SGCZ: variants seen among roughly 807,000 people sequenced by gnomAD.
The protein encoded by SGCZ is zeta-sarcoglycan.
SGCZ carries 40 observed loss-of-function variants against 41.3 expected under a neutral mutation model. The observed-to-expected ratio is 0.97, with a 90% confidence interval of 0.75 to 1.26. The LOEUF (loss-of-function observed/expected upper bound fraction) is 1.26, where lower values mean the gene tolerates loss of function less well. Among genes scored for constraint, SGCZ ranks in the 50% most tolerant of loss-of-function variants. The pLI is 0.00. For missense variants in SGCZ, 552 were observed against 369.8 expected (o/e 1.49, Z -4.04); for synonymous variants, 206 against 137.5 (o/e 1.50, Z -3.49).
chr8:14,091,286 G>T (rs371118283), intron 7 of SGCZ, among the ~76,000 whole-genome samples: 1 of 151,576 alleles, frequency 6.6e-6, no homozygotes, highest in Admixed American at 6.6e-5. Context: ...GAAGAGTGCC[G>T]CAATAAACTT....
At chr8:14,095,822 C>T (rs1378048104) in intron 7 of SGCZ, among the ~76,000 whole-genome samples, 1 of 152,046 alleles carries the variant, frequency 6.6e-6, no homozygotes, top group Non-Finnish European at 1.5e-5. Context: ...GCTTCACATC[C>T]CTTGTAAGTT....
chr8:14,253,402 C>A (rs1305555159), intron 3 of SGCZ, among the ~76,000 whole-genome samples: 1 of 152,004 alleles, frequency 6.6e-6, no homozygotes, highest in Non-Finnish European at 1.5e-5. Context: ...ACTATTTGTA[C>A]AAGTTTCATC....
Position 14,571,461 on chromosome 8 carries a change from G to T in SGCZ, c.40-16535C>A, listed in dbSNP as rs145866564. On this transcript the variant is annotated intron_variant, in intron 1 of 7. Coordinates refer to ENST00000382080, the MANE Select transcript of SGCZ (RefSeq NM_139167.4). ...AGCTGAGTATACAGATCTGGCTGTGGTATGCCCAACTATCTGATTATTCCT... is the reference window on the plus strand; with the variant it reads ...AGCTGAGTATACAGATCTGGCTGTGTTATGCCCAACTATCTGATTATTCCT... Among the ~76,000 whole-genome samples, 351 of 152,286 alleles carry T rather than the reference G, an allele frequency of 2.3e-3. 2 individuals carry two copies. Among genetic ancestry groups the T allele is most frequent in the Non-Finnish European group, 3.6e-3 (246 of 68,032 alleles).
chr8:14,665,715 A>G (rs1363784174), intron 1 of SGCZ, among the ~76,000 whole-genome samples: 2 of 152,184 alleles, frequency 1.3e-5, no homozygotes, highest in African/African-American at 4.8e-5. Flanking sequence ...AATTTAATAC[A>G]ACCAACCAAG....
At chr8:14,658,025 A>G (rs1807630263) in intron 1 of SGCZ, among the ~76,000 whole-genome samples, 1 of 152,174 alleles carries the variant, frequency 6.6e-6, no homozygotes, top group Admixed American at 6.5e-5. Flanking sequence ...ACTACTGAGG[A>G]TACATTTGGC....
chr8:14,951,547 T>C (rs2130836562), intron 1 of SGCZ, among the ~76,000 whole-genome samples: 1 of 152,158 alleles, frequency 6.6e-6, no homozygotes, highest in Admixed American at 6.6e-5. Context: ...TCAAGAATTA[T>C]CTGATAAAAG....
Position 14,730,650 on chromosome 8 carries a change from G to T in SGCZ, c.40-175724C>A, listed in dbSNP as rs186199565. ...ACATGGATGTTCGGAACTGAAAACT[G>T]TCACTATGACTCTTTTTCCAGATCT... On this transcript the variant is annotated intron_variant, in intron 1 of 7. Transcript: ENST00000382080. Among the ~76,000 whole-genome samples the T allele has an allele frequency of 7.0e-4, 105 of 150,996 alleles. 1 individual carries two copies. The highest frequency in any genetic ancestry group is 1.7e-3 in the South Asian group (8 of 4,812).
At chr8:14,812,646 C>G (rs17120304) in intron 1 of SGCZ, among the ~76,000 whole-genome samples, 17,123 of 151,956 alleles carry the variant, frequency 0.11, 1,504 homozygotes, top group African/African-American at 0.23. Context: ...TATAAGTGAG[C>G]TAAAATATCA....
At chr8:15,139,964 C>A (rs993072038) in intron 1 of SGCZ, among the ~76,000 whole-genome samples, 3 of 151,564 alleles carry the variant, frequency 2.0e-5, no homozygotes, top group African/African-American at 7.3e-5. Context: ...AGAAACTGTA[C>A]CTCTCCTCTA....
chr8:14,473,937 C>CAA (rs11352108), intron 2 of SGCZ, among the ~76,000 whole-genome samples: 259 of 141,338 alleles, frequency 1.8e-3, no homozygotes, highest in East Asian at 6.5e-3. Context: ...GACCCTGTCT[C>CAA]AAAAAAAAAA....
At chr8:14,280,700 T>A (rs1284607501) in intron 3 of SGCZ, among the ~76,000 whole-genome samples, 1 of 151,856 alleles carries the variant, frequency 6.6e-6, no homozygotes, top group African/African-American at 2.4e-5. Context: ...AAAAATAATT[T>A]TTGGAAAATT....
At chr8:14,259,390 C>T (rs61573100) in intron 3 of SGCZ, among the ~76,000 whole-genome samples, 19,514 of 151,158 alleles carry the variant, frequency 0.13, 1,987 homozygotes, top group East Asian at 0.29. Flanking sequence ...TTGCCCATGC[C>T]TATGTCCTGA....
At chr8:14,765,083 C>A (rs1799999219) in intron 1 of SGCZ, among the ~76,000 whole-genome samples, 1 of 152,180 alleles carries the variant, frequency 6.6e-6, no homozygotes, top group African/African-American at 2.4e-5. Context: ...TAAGAGTTCA[C>A]TTCTGATACT....
At chr8:14,281,313 G>A (rs1392297403) in intron 3 of SGCZ, among the ~76,000 whole-genome samples, 1 of 151,862 alleles carries the variant, frequency 6.6e-6, no homozygotes, top group Non-Finnish European at 1.5e-5. Flanking sequence ...CTAGGCCTTA[G>A]GTCAAGATGC....
At chr8:14,841,427 T>C (rs1802906863) in intron 1 of SGCZ, among the ~76,000 whole-genome samples, 2 of 152,256 alleles carry the variant, frequency 1.3e-5, no homozygotes, top group South Asian at 4.1e-4. Flanking sequence ...AGTCATGGTA[T>C]TTAAAGAACT....
intron 4 of SGCZ, among the ~76,000 whole-genome samples, chr8:14,214,985 A>G (rs1805945230): frequency 6.6e-6 from 1 of 152,156 alleles, no homozygotes; most frequent in South Asian, 2.1e-4. Context: ...AGCAAGACAG[A>G]GAAATACTGA....
chr8:14,677,866 C>A (rs1055512225), intron 1 of SGCZ, among the ~76,000 whole-genome samples: 3 of 152,056 alleles, frequency 2.0e-5, no homozygotes, highest in Non-Finnish European at 2.9e-5. Flanking sequence ...AGGAGGAGAA[C>A]GAAGTTGGAG....
chr8:14,908,714 T>A (rs1429932226), intron 1 of SGCZ, among the ~76,000 whole-genome samples: 1 of 132,290 alleles, frequency 7.6e-6, no homozygotes, highest in Non-Finnish European at 1.5e-5. Flanking sequence ...CGGGCCACTG[T>A]ACTCCAGCCT....
At chr8:15,216,792 G>C (rs1801417947) in intron 1 of SGCZ, among the ~76,000 whole-genome samples, 1 of 152,040 alleles carries the variant, frequency 6.6e-6, no homozygotes, top group East Asian at 1.9e-4. Flanking sequence ...CAGAAGACTA[G>C]AATTAGGAGA....
Sources: gnomAD v4.1 joint callset for allele counts (sites outside exome capture counted in the v4.1 genomes callset) on GRCh38, gnomAD v4.1.1 for gene constraint, MANE v1.5 for transcripts, NCBI Gene and HGNC (gene_info 2026-07-23, HGNC 2026-07-21) for gene names.